PSME3: variants seen among roughly 807,000 people sequenced by gnomAD.
The protein encoded by PSME3 is proteasome activator subunit 3.
In PSME3, 7 loss-of-function variants were observed where a neutral mutation model predicts 38.3. That is an observed-to-expected ratio of 0.18 (90% CI 0.10 to 0.34). The LOEUF is 0.34. Among genes scored for constraint, PSME3 ranks in the 10% least tolerant of loss-of-function variants. The probability of loss-of-function intolerance (pLI) is 1.00; values close to 1 mark genes in which losing one functional copy is unlikely to be tolerated. For synonymous variants in PSME3, 108 were observed against 105.7 expected, an observed-to-expected ratio of 1.02 and a Z score of -0.13; for missense variants, 192 against 307.6, an observed-to-expected ratio of 0.62 and a Z score of 2.81.
In PSME3 at chr17:42,833,442, A is replaced by G; in HGVS notation, c.-190A>G. On this transcript the variant is annotated 5_prime_UTR_variant, in exon 1 of 11. Transcript: ENST00000590720. ...CGAAAGCCGGGAGGGCGAGCGAGAG[A>G]GCAAGCAGGCAGCAGGCTGCCGGCG... 1 of 645,716 alleles carries G rather than the reference A, an allele frequency of 1.5e-6. No individual in the cohort carries two copies. Among genetic ancestry groups the G allele is most frequent in the Non-Finnish European group, 2.7e-6 (1 of 373,784 alleles). 40.0% of individuals were successfully genotyped at this position (645,716 alleles called of 1,614,324 possible). A position where few individuals can be genotyped will look rare whatever the true frequency, so the allele number is the denominator to read the frequency against.
At chr17:42,838,576 C>A in intron 6 of PSME3, 155 bp from the exon 7 acceptor site, 1 of 777,884 alleles carries the variant, frequency 1.3e-6, no homozygotes, top group South Asian at 1.8e-5. Context: ...CTTCGGGGTC[C>A]CAAATTGCTG....
chr17:42,839,349 G>A lies in PSME3; in HGVS notation c.653G>A (p.Arg218Gln), dbSNP rs756841379. 4.3e-6 allele frequency: 7 copies of A among 1,612,760 alleles called. No homozygotes were observed. The highest frequency in any genetic ancestry group is 5.1e-6 in the Non-Finnish European group (6 of 1,179,134). ...EIDEKEYISL[R>Q]LIISELRNQY... ...GATGAGAAAGAATATATCAGCCTTC[G>A]GCTCATCATATCAGAGCTGAGGAAT... Residue 218 changes from arginine to glutamine, a missense_variant, in exon 10 of 11, where the codon CGG becomes CAG. By Grantham distance (43) the Arg-to-Gln change is conservative (BLOSUM62 1). Coordinates refer to ENST00000590720, the MANE Select transcript of PSME3 (RefSeq NM_005789.4).
At position 42,842,582 on chromosome 17, in the gene PSME3, T is replaced by C. The variant is rs2144263400; in HGVS notation, c.*1004T>C. The C allele has an allele frequency of 6.5e-6, 1 of 153,046 alleles. No homozygotes were observed. The highest frequency in any genetic ancestry group is 6.5e-5 in the Admixed American group (1 of 15,306). 9.5% of individuals were successfully genotyped at this position (153,046 alleles called of 1,614,324 possible). On this transcript the variant is annotated 3_prime_UTR_variant, in exon 11 of 11. Coordinates refer to ENST00000590720, the MANE Select transcript of PSME3 (RefSeq NM_005789.4). ...GAGGTCCAGATGCTGCTGCTCATGT[T>C]GGGCTTTCCTTTTGGGAACTATTTC...
intron 10 of PSME3, among the ~76,000 whole-genome samples, chr17:42,841,125 C>G (rs147111169): frequency 1.4e-5 from 2 of 140,700 alleles, no homozygotes; most frequent in African/African-American, 5.4e-5. Flanking sequence ...AGAGCAAGAC[C>G]GTGTCTCAAA....
chr17:42,835,504 TC>T (rs1388128689), intron 4 of PSME3, among the ~76,000 whole-genome samples: 5 of 152,080 alleles, frequency 3.3e-5, no homozygotes, highest in Non-Finnish European at 7.4e-5. Flanking sequence ...CGTGGACGGA[TC>T]ATGAGGTCAG....
chr17:42,837,743 T>TG (rs1567680723), intron 5 of PSME3, 46 bp downstream of exon 5: 1 of 1,584,096 alleles, frequency 6.3e-7, no homozygotes, highest in South Asian at 1.1e-5. Context: ...ATCCCTGACT[T>TG]GCAACCCTGA....
Position 42,833,685 on chromosome 17 carries a change from G to A in PSME3, c.42+12G>A. ...AAGTGAAGCTCAAGGTAGCGGCACC[G>A]GTCCGGCCTTTTTGCCCCTCGCTTT... On this transcript the variant is annotated intron_variant, in intron 1 of 10. Transcript: ENST00000590720. 1 of 1,614,212 alleles carries A rather than the reference G, an allele frequency of 6.2e-7. No individual in the cohort carries two copies. The highest frequency in any genetic ancestry group is 8.5e-7 in the Non-Finnish European group (1 of 1,180,020).
At chr17:42,840,188 C>T (rs563324711) in intron 10 of PSME3, among the ~76,000 whole-genome samples, 1 of 150,924 alleles carries the variant, frequency 6.6e-6, no homozygotes, top group East Asian at 1.9e-4. Context: ...GAGGCTGAGG[C>T]GGGAGAATTG....
At chr17:42,834,247 CA>C (rs1443233026) in intron 1 of PSME3, 96 bp from the exon 2 acceptor site, 1 of 1,599,060 alleles carries the variant, frequency 6.3e-7, no homozygotes, top group Non-Finnish European at 8.5e-7. Context: ...CTTCTTATTA[CA>C]GTTACAAGGT....
chr17:42,843,611 A>T lies in PSME3; in HGVS notation c.*2033A>T, dbSNP rs1443287720. ...AACTGGTTCAAGGCGCGTCCTACCCAGTCATTTTCTTTACCTTATACTAAT... is the reference window on the plus strand; with the variant it reads ...AACTGGTTCAAGGCGCGTCCTACCCTGTCATTTTCTTTACCTTATACTAAT... On this transcript the variant is annotated 3_prime_UTR_variant, in exon 11 of 11. Coordinates refer to ENST00000590720, the MANE Select transcript of PSME3 (RefSeq NM_005789.4). The T allele has an allele frequency of 6.6e-6, 1 of 152,312 alleles. No homozygotes were observed. The highest frequency in any genetic ancestry group is 1.5e-5 in the Non-Finnish European group (1 of 68,034). The allele number at this position is 152,312 out of a possible 1,614,324, so 9.4% of individuals were successfully genotyped here. A position where few individuals can be genotyped will look rare whatever the true frequency, so the allele number is the denominator to read the frequency against.
rs764212450 is a variant in PSME3, at chr17:42,839,015, A to G, written c.542+3A>G. ...TCTTATCTGGACCAGATTTCTAGGTAGGGCTGCTTGGGCTTGGCCGAGGCG... is the reference window on the plus strand; with the variant it reads ...TCTTATCTGGACCAGATTTCTAGGTGGGGCTGCTTGGGCTTGGCCGAGGCG... On this transcript the variant is annotated splice_donor_region_variant and intron_variant, in intron 8 of 10. Coordinates refer to ENST00000590720, the MANE Select transcript of PSME3 (RefSeq NM_005789.4). 2 of 1,613,986 alleles carry G rather than the reference A, an allele frequency of 1.2e-6. No individual in the cohort carries two copies. Among genetic ancestry groups the G allele is most frequent in the African/African-American group, 2.7e-5 (2 of 74,918 alleles).
Position 42,841,707 on chromosome 17 carries a change from A to T in PSME3, c.*129A>T, listed in dbSNP as rs1338543435. 6.8e-6 allele frequency: 4 copies of T among 585,720 alleles called. No homozygotes were observed. The highest frequency in any genetic ancestry group is 1.1e-5 in the Non-Finnish European group (4 of 348,628). The allele number at this position is 585,720 out of a possible 1,614,324, so 36.3% of individuals were successfully genotyped here. A position where few individuals can be genotyped will look rare whatever the true frequency, so the allele number is the denominator to read the frequency against. On this transcript the variant is annotated 3_prime_UTR_variant, in exon 11 of 11. Transcript: ENST00000590720. ...ATCACACCTCTCTGTTTTTAGTTAG[A>T]GTCTAATGAAACTCTCATCTAGTTC...
rs575541571 is a variant in PSME3, at chr17:42,840,990, G to A, written c.685-508G>A. Among the ~76,000 whole-genome samples, 5 of 152,046 alleles carry A rather than the reference G, an allele frequency of 3.3e-5. No individual in the cohort carries two copies. In the East Asian group the frequency reaches 7.8e-4, roughly 24 times the overall value. On this transcript the variant is annotated intron_variant, in intron 10 of 10. Transcript: ENST00000590720. The stretch of plus-strand genomic sequence containing the variant: ...GTACTAAAAATAAAAAAAATTAGCC[G>A]GGTGTGGTGGCAGGCGCCTGTAGTC...
In PSME3 at chr17:42,839,341, C is replaced by A. The variant is rs1479479432; in HGVS notation, c.645C>A (p.Ile215=). 2 of 1,613,398 alleles carry A rather than the reference C, an allele frequency of 1.2e-6. No individual in the cohort carries two copies. The highest frequency in any genetic ancestry group is 1.7e-6 in the Non-Finnish European group (2 of 1,179,590). ...TVTEIDEKEY[I]SLRLIISELR... ...CAGAGATTGATGAGAAAGAATATAT[C>A]AGCCTTCGGCTCATCATATCAGAGC... The change falls in exon 10 of 11, where the codon ATC becomes ATA. Residue 215 remains isoleucine, a synonymous_variant. Coordinates refer to ENST00000590720, the MANE Select transcript of PSME3 (RefSeq NM_005789.4).
chr17:42,834,680 A>G (rs984547440), intron 3 of PSME3, 92 bp from the exon 4 acceptor site: 2 of 1,599,406 alleles, frequency 1.3e-6, no homozygotes, highest in Non-Finnish European at 1.7e-6. Context: ...ATTTTTTTAA[A>G]CTGTAAAAGC....
At chr17:42,833,848 A>C (rs1056423496) in intron 1 of PSME3, 175 bp downstream of exon 1, 1 of 1,518,630 alleles carries the variant, frequency 6.6e-7, no homozygotes, top group Admixed American at 2.1e-5. Flanking sequence ...AAAATATAGG[A>C]TGGCTTTCTG....
intron 3 of PSME3, 80 bp from the exon 4 acceptor site, chr17:42,834,692 C>G (rs889414281): frequency 6.2e-7 from 1 of 1,603,716 alleles, no homozygotes; most frequent in Non-Finnish European, 8.5e-7. Flanking sequence ...TGTAAAAGCA[C>G]TTTCATTTCT....
chr17:42,834,105 C>T (rs2055432479), intron 1 of PSME3: 2 of 1,453,358 alleles, frequency 1.4e-6, no homozygotes, highest in African/African-American at 1.4e-5. Flanking sequence ...CAGCTTCAGA[C>T]ACAGGAGGAA....
intron 6 of PSME3, 76 bp downstream of exon 6, chr17:42,838,281 G>T: frequency 6.3e-7 from 1 of 1,586,204 alleles, no homozygotes; most frequent in Middle Eastern, 2.2e-4. Context: ...GGATGTACGG[G>T]TGGTATGGGA....
Sources: allele counts gnomAD v4.1 joint callset (sites outside exome capture counted in the v4.1 genomes callset), GRCh38; gene constraint gnomAD v4.1.1; transcripts MANE v1.5; gene names NCBI Gene and HGNC (gene_info 2026-07-23, HGNC 2026-07-21).